SLC12A3: variants seen among roughly 807,000 people sequenced by gnomAD.
SLC12A3 encodes solute carrier family 12 member 3, also known as Na-Cl cotransporter.
A neutral mutation model predicts 121.0 loss-of-function variants in SLC12A3; 104 were observed. The ratio of observed to expected loss-of-function variants is 0.86; its 90% CI spans 0.73 to 1.01. The LOEUF is 1.01. SLC12A3 is among the 50% of genes least tolerant of loss of function. The pLI is 0.00. For missense variants in SLC12A3, 1,328 were observed against 1,356.3 expected, an observed-to-expected ratio of 0.98 and a Z score of 0.33; for synonymous variants, 536 against 533.4, an observed-to-expected ratio of 1.00 and a Z score of -0.07.
chr16:56,901,524 G>C (rs1212058919), intron 23 of SLC12A3, among the ~76,000 whole-genome samples: 1 of 152,040 alleles, frequency 6.6e-6, no homozygotes, highest in Non-Finnish European at 1.5e-5. Context: ...ATTTTTAGTA[G>C]AGACAGCATT....
chr16:56,873,383 T>C (rs1303637859), intron 8 of SLC12A3, among the ~76,000 whole-genome samples: 10 of 118,224 alleles, frequency 8.5e-5, no homozygotes, highest in South Asian at 5.7e-4. Flanking sequence ...TCTTTTTTTT[T>C]TTTTTTTTTT....
At chr16:56,878,337 T>C (rs1247687303) in intron 9 of SLC12A3, among the ~76,000 whole-genome samples, 176 bp downstream of exon 9, 2 of 152,004 alleles carry the variant, frequency 1.3e-5, no homozygotes, top group Non-Finnish European at 1.5e-5. Flanking sequence ...AACCTATCTC[T>C]GGGGTATCTT....
intron 18 of SLC12A3, among the ~76,000 whole-genome samples, chr16:56,888,672 C>G (rs1596926265): frequency 1.4e-5 from 2 of 147,530 alleles, no homozygotes; most frequent in Admixed American, 1.4e-4. Context: ...CATTCTCCTG[C>G]CTCAGCCTCT....
At position 56,865,317 on chromosome 16, in the gene SLC12A3, A is replaced by G. The variant is rs1470397391; in HGVS notation, c.82A>G (p.Ser28Gly). 2 of 1,613,932 alleles carry G rather than the reference A, an allele frequency of 1.2e-6. No individual in the cohort carries two copies. Among genetic ancestry groups the G allele is most frequent in the Admixed American group, 3.3e-5 (2 of 60,010 alleles). Residue 28 changes from serine to glycine, a missense_variant, in exon 1 of 26, where the codon AGT (serine) becomes GGT (glycine). By Grantham distance (56) the Ser-to-Gly change is moderately conservative. Coordinates refer to ENST00000563236, the MANE Select transcript of SLC12A3 (RefSeq NM_001126108.2). ...CTTCACCATCAGCACACTGCTGAGCAGTGATGAGCCCTCTCCACCAGCTGC... is the reference window on the plus strand; with the variant it reads ...CTTCACCATCAGCACACTGCTGAGCGGTGATGAGCCCTCTCCACCAGCTGC... ...GRFTISTLLSSDEPSPPAAYD... is the reference protein window; with the variant it reads ...GRFTISTLLSGDEPSPPAAYD...
chr16:56,912,390 G>C (rs1295350639), intron 25 of SLC12A3, among the ~76,000 whole-genome samples: 1 of 152,232 alleles, frequency 6.6e-6, no homozygotes, highest in Middle Eastern at 3.2e-3. Context: ...ACGCAGCATT[G>C]CACAGTTAAG....
chr16:56,877,697 G>T (rs1245861477), intron 8 of SLC12A3, among the ~76,000 whole-genome samples: 1 of 152,252 alleles, frequency 6.6e-6, no homozygotes. Flanking sequence ...AACCCGGGCA[G>T]GCCGACTCCA....
chr16:56,892,654 C>T (rs2055404931), intron 20 of SLC12A3, among the ~76,000 whole-genome samples: 1 of 152,082 alleles, frequency 6.6e-6, no homozygotes, highest in African/African-American at 2.4e-5. Context: ...GGGAGGGCTG[C>T]TGTGGGCATT....
rs185751746 is a variant in SLC12A3 at position 56,871,400 on chromosome 16, G to A, written c.852+664G>A. 2.8e-4 allele frequency among the ~76,000 whole-genome samples: 42 copies of A among 152,330 alleles called. No individual in the cohort carries two copies. In the East Asian group the frequency reaches 5.8e-3, roughly 21 times the overall value. Reference sequence around the variant, plus strand: ...CACTATCGCTGTCACACATGGCTGCGAGGGAGCCTGGGGAGGTGTGGCCTT... The same window carrying A: ...CACTATCGCTGTCACACATGGCTGCAAGGGAGCCTGGGGAGGTGTGGCCTT... On this transcript the variant is annotated intron_variant, in intron 6 of 25. Coordinates refer to ENST00000563236, the MANE Select transcript of SLC12A3 (RefSeq NM_001126108.2).
At chr16:56,893,299 G>A (rs528564142) in intron 21 of SLC12A3, among the ~76,000 whole-genome samples, 1 of 152,236 alleles carries the variant, frequency 6.6e-6, no homozygotes. Context: ...GGCCCTTAGG[G>A]GCACAGGCAG....
intron 20 of SLC12A3, 125 bp from the exon 21 acceptor site, chr16:56,892,828 G>A: frequency 1.3e-6 from 1 of 741,066 alleles, no homozygotes. Context: ...CTGGGCCCCG[G>A]TTCCTGTTCC....
intron 25 of SLC12A3, among the ~76,000 whole-genome samples, chr16:56,907,533 T>C (rs1190465142): frequency 6.6e-6 from 1 of 152,250 alleles, no homozygotes; most frequent in African/African-American, 2.4e-5. Context: ...CAGGCTGCTA[T>C]AGCAAAATAC....
At chr16:56,896,294 T>C (rs902432909) in intron 22 of SLC12A3, among the ~76,000 whole-genome samples, 1 of 152,212 alleles carries the variant, frequency 6.6e-6, no homozygotes, top group Non-Finnish European at 1.5e-5. Flanking sequence ...GTCCTTCCCT[T>C]TGGTAACCTG....
chr16:56,878,112 G>T lies in SLC12A3; in HGVS notation c.1131G>T (p.Met377Ile), dbSNP rs563915404. 1 of 1,515,868 alleles carries T rather than the reference G, an allele frequency of 6.6e-7. No individual in the cohort carries two copies. The highest frequency in any genetic ancestry group is 1.1e-5 in the South Asian group (1 of 89,758). The allele number at this position is 1,515,868 out of a possible 1,614,324, so 93.9% of individuals were successfully genotyped here. A position where few individuals can be genotyped will look rare whatever the true frequency, so the allele number is the denominator to read the frequency against. The change falls in exon 9 of 26, where the codon ATG (methionine) becomes ATT (isoleucine). Residue 377 changes from methionine (M) to isoleucine (I), a missense_variant. Physicochemically the swap from Met to Ile is conservative, Grantham distance 10. Coordinates refer to ENST00000563236, the MANE Select transcript of SLC12A3 (RefSeq NM_001126108.2). ...PAIAIPKGTL[M>I]AIFWTTISYL... Reference sequence around the variant, plus strand: ...TAGCCATCCCCAAGGGGACCCTCATGGCCATTTTCTGGACGACCATTTCCT... The same window carrying T: ...TAGCCATCCCCAAGGGGACCCTCATTGCCATTTTCTGGACGACCATTTCCT...
At chr16:56,887,189 T>G in intron 17 of SLC12A3, 96 bp downstream of exon 17, 1 of 1,537,760 alleles carries the variant, frequency 6.5e-7, no homozygotes, top group Non-Finnish European at 8.9e-7. Flanking sequence ...TAAGCCCCTT[T>G]TGCTGCAGAA....
At chr16:56,890,839 T>C (rs941105407) in intron 19 of SLC12A3, among the ~76,000 whole-genome samples, 6 of 151,008 alleles carry the variant, frequency 4.0e-5, no homozygotes, top group Admixed American at 4.0e-4. Flanking sequence ...GAGGTGGATG[T>C]TGCAGTGAGC....
intron 10 of SLC12A3, 43 bp from the exon 11 acceptor site, chr16:56,879,499 C>A (rs1383867812): frequency 4.0e-6 from 6 of 1,497,502 alleles, no homozygotes; most frequent in Non-Finnish European, 5.6e-6. Context: ...GGGCTCCTGG[C>A]TCAGCCCCCA....
chr16:56,883,975 C>T, intron 13 of SLC12A3, 74 bp from the exon 14 acceptor site: 1 of 1,547,606 alleles, frequency 6.5e-7, no homozygotes, highest in East Asian at 2.3e-5. Context: ...TACTGCCAGG[C>T]CCTGCCCAGC....
intron 15 of SLC12A3, 35 bp from the exon 16 acceptor site, chr16:56,886,329 C>A: frequency 6.5e-7 from 1 of 1,541,290 alleles, no homozygotes; most frequent in Non-Finnish European, 9.0e-7. Context: ...GGGCTCTCTC[C>A]TGATGGCTCC....
chr16:56,882,661 G>C (rs904405205), intron 13 of SLC12A3, among the ~76,000 whole-genome samples, 164 bp downstream of exon 13: 6 of 152,176 alleles, frequency 3.9e-5, no homozygotes, highest in African/African-American at 1.4e-4. Flanking sequence ...GCAGCTCTCG[G>C]CTGGGCTCGG....
Sources: allele counts gnomAD v4.1 joint callset (sites outside exome capture counted in the v4.1 genomes callset), GRCh38; gene constraint gnomAD v4.1.1; transcripts MANE v1.5; gene names NCBI Gene and HGNC (gene_info 2026-07-23, HGNC 2026-07-21).